The following MMGT1 variants were observed in gnomAD, a reference collection of about 807,000 sequenced individuals.
MMGT1 encodes the protein membrane magnesium transporter 1.
MMGT1 carries 2 observed loss-of-function variants against 11.7 expected under a neutral mutation model. That is an observed-to-expected ratio of 0.17 (90% CI 0.07 to 0.54). The LOEUF (loss-of-function observed/expected upper bound fraction) is 0.54. Among genes scored for constraint, MMGT1 ranks in the 20% least tolerant of loss-of-function variants. The pLI is 0.94. For synonymous variants in MMGT1, 49 were observed against 44.4 expected, an observed-to-expected ratio of 1.10 and a Z score of -0.41; for missense variants, 74 against 109.0, an observed-to-expected ratio of 0.68 and a Z score of 1.43.
intron 2 of MMGT1, among the ~76,000 whole-genome samples, chrX:135,969,180 C>CA (rs782161471): frequency 5.9e-5 from 6 of 102,118 alleles, no homozygotes; most frequent in African/African-American, 1.1e-4. Flanking sequence ...GTATCTACCA[C>CA]AAAAAAAAGG....
chrX:135,966,574 G>A (rs1375615547), intron 3 of MMGT1, among the ~76,000 whole-genome samples: 1 of 111,636 alleles, frequency 9.0e-6, no homozygotes, highest in African/African-American at 3.3e-5. Context: ...CAGCCTGGTT[G>A]ATAGAGACTC....
chrX:135,965,953 C>T (rs1482678550), intron 3 of MMGT1, among the ~76,000 whole-genome samples: 2 of 111,909 alleles, frequency 1.8e-5, no homozygotes, highest in Non-Finnish European at 3.8e-5. Flanking sequence ...CCTTTTGGCC[C>T]TCTGTACCTG....
chrX:135,966,247 A>G (rs2089184525), intron 3 of MMGT1, among the ~76,000 whole-genome samples: 1 of 112,123 alleles, frequency 8.9e-6, no homozygotes, highest in African/African-American at 3.2e-5. Flanking sequence ...GCCCACCTAA[A>G]CATCCAAGCA....
chrX:135,965,078 T>C lies in MMGT1; in HGVS notation c.342A>G (p.Ala114=). The C allele has an allele frequency of 5.0e-6, 6 of 1,209,802 alleles. No individual in the cohort carries two copies. Among genetic ancestry groups the C allele is most frequent in the Non-Finnish European group, 5.6e-6 (5 of 893,792 alleles). The change falls in exon 4 of 4, where the codon GCA becomes GCG. Residue 114 remains alanine (A), a synonymous_variant. Transcript: ENST00000305963. ...ACTTCAATGATGTGTTAGAGGACAA[T>C]GCATCTTGGTTTGAAGAATTTGCTG... is the stretch of plus-strand genomic sequence containing the variant. The part of the protein sequence containing the change: ...SDTANSSNQD[A]LSSNTSLKLR...
In MMGT1 at chrX:135,972,305, C is replaced by CCAAA. The variant is rs1449048893; in HGVS notation, c.80-1196_80-1195insTTTG. 3.1e-4 allele frequency among the ~76,000 whole-genome samples: 35 copies of CCAAA among 112,639 alleles called. 1 individual carries two copies. Among genetic ancestry groups the CCAAA allele is most frequent in the African/African-American group, 1.0e-3 (31 of 30,989 alleles). ...AGGACAATCCCTATTTAATAACGTA[C>CCAAA]TTTGGACTAAATAATTCAAACTGTT... On this transcript the variant is annotated intron_variant, in intron 1 of 3. Coordinates refer to ENST00000305963, the MANE Select transcript of MMGT1 (RefSeq NM_173470.3).
Position 135,964,534 on chromosome X carries a change from T to C in MMGT1, c.*490A>G, listed in dbSNP as rs1301021495. 1.8e-5 allele frequency: 2 copies of C among 112,464 alleles called. No homozygotes were observed. Among genetic ancestry groups the C allele is most frequent in the African/African-American group, 6.5e-5 (2 of 30,826 alleles). The allele number at this position is 112,464 out of a possible 1,213,427, so 9.3% of individuals were successfully genotyped here. A position where few individuals can be genotyped will look rare whatever the true frequency, so the allele number is the denominator to read the frequency against. ...AGTACTTCTGAAGCAGAGCCACTTTTTAGGGGACACAAGAAAAACTGTTAA... is the reference window on the plus strand; with the variant it reads ...AGTACTTCTGAAGCAGAGCCACTTTCTAGGGGACACAAGAAAAACTGTTAA... On this transcript the variant is annotated 3_prime_UTR_variant, in exon 4 of 4. Coordinates refer to ENST00000305963, the MANE Select transcript of MMGT1 (RefSeq NM_173470.3).
At chrX:135,969,417 G>A (rs1339291116) in intron 2 of MMGT1, among the ~76,000 whole-genome samples, 7 of 104,358 alleles carry the variant, frequency 6.7e-5, no homozygotes, top group Admixed American at 2.0e-4. Flanking sequence ...TCGGCTCACT[G>A]CAACCTTTGC....
At position 135,973,891 on chromosome X, in the gene MMGT1, C is replaced by T. The variant is rs1556612933; in HGVS notation, c.-216G>A. Reference sequence around the variant, plus strand: ...CTACACGGAAAAAGGTCCGCGAGAACCCACGAACCTGCGCTATGGAGGCCT... The same window carrying T: ...CTACACGGAAAAAGGTCCGCGAGAATCCACGAACCTGCGCTATGGAGGCCT... On this transcript the variant is annotated 5_prime_UTR_variant, in exon 1 of 4. Coordinates refer to ENST00000305963, the MANE Select transcript of MMGT1 (RefSeq NM_173470.3). 8.7e-7 allele frequency: 1 copy of T among 1,146,227 alleles called. No homozygotes were observed. The highest frequency in any genetic ancestry group is 1.2e-6 in the Non-Finnish European group (1 of 864,660). The allele number at this position is 1,146,227 out of a possible 1,213,427, so 94.5% of individuals were successfully genotyped here.
chrX:135,971,143 G>A (rs782072167), intron 1 of MMGT1, 33 bp from the exon 2 acceptor site: 1 of 1,032,290 alleles, frequency 9.7e-7, no homozygotes, highest in South Asian at 2.0e-5. Context: ...TAAGGAAACT[G>A]TAGTTCATTT....
At chrX:135,965,409 T>TA in intron 3 of MMGT1, among the ~76,000 whole-genome samples, 1 of 111,014 alleles carries the variant, frequency 9.0e-6, no homozygotes, top group Non-Finnish European at 1.9e-5. Flanking sequence ...TTCTTCTTTT[T>TA]AAAAAAAATA....
At chrX:135,970,486 A>G (rs2089211676) in intron 2 of MMGT1, among the ~76,000 whole-genome samples, 1 of 112,748 alleles carries the variant, frequency 8.9e-6, no homozygotes, top group African/African-American at 3.2e-5. Context: ...AAATAAAGCT[A>G]AATAATCAAC....
intron 2 of MMGT1, among the ~76,000 whole-genome samples, chrX:135,969,479 A>AC (rs2089205848): frequency 1.8e-5 from 2 of 110,719 alleles, no homozygotes; most frequent in African/African-American, 6.6e-5. Flanking sequence ...ATCTGGGATT[A>AC]AGGCGCCCAC....
intron 3 of MMGT1, among the ~76,000 whole-genome samples, chrX:135,965,895 G>A (rs1415955920): frequency 1.8e-5 from 2 of 112,011 alleles, no homozygotes; most frequent in Non-Finnish European, 3.8e-5. Context: ...CCATATGATC[G>A]TTTCACAGAT....
chrX:135,973,634 G>A lies in MMGT1; in HGVS notation c.42C>T (p.Leu14=), dbSNP rs781965313. ...AAAAGGCGGCGTGGGCTAGGGCAAAGAGACCGATGCCCACCAGCCCCTTCC... is the reference window on the plus strand; with the variant it reads ...AAAAGGCGGCGTGGGCTAGGGCAAAAAGACCGATGCCCACCAGCCCCTTCC... ...SLWKGLVGIG[L]FALAHAAFSA... Residue 14 remains leucine, a synonymous_variant, in exon 1 of 4, where the codon CTC becomes CTT. Transcript: ENST00000305963. The A allele has an allele frequency of 2.4e-5, 28 of 1,165,964 alleles. No individual in the cohort carries two copies. In the South Asian group the frequency reaches 4.9e-4, roughly 21 times the overall value.
intron 2 of MMGT1, among the ~76,000 whole-genome samples, chrX:135,969,041 T>C (rs1011651770): frequency 1.8e-5 from 2 of 111,018 alleles, no homozygotes; most frequent in Admixed American, 9.6e-5. Context: ...TCCAAAGAGG[T>C]TGAGCGAGCA....
At chrX:135,969,571 C>T (rs1350827744) in intron 2 of MMGT1, among the ~76,000 whole-genome samples, 1 of 111,425 alleles carries the variant, frequency 9.0e-6, no homozygotes, top group Non-Finnish European at 1.9e-5. Context: ...ATCTCCTGAC[C>T]TCATGATCTG....
chrX:135,970,853 G>A (rs1415803237), intron 2 of MMGT1, among the ~76,000 whole-genome samples: 1 of 112,035 alleles, frequency 8.9e-6, no homozygotes, highest in Non-Finnish European at 1.9e-5. Flanking sequence ...AGCTTGCAGT[G>A]AGCTGAGATC....
At chrX:135,968,252 T>C (rs1398646489) in intron 2 of MMGT1, among the ~76,000 whole-genome samples, 1 of 111,607 alleles carries the variant, frequency 9.0e-6, no homozygotes, top group Non-Finnish European at 1.9e-5. Flanking sequence ...AAATAGATCA[T>C]TCCTAGTACC....
Position 135,973,865 on chromosome X carries a change from G to A in MMGT1, c.-190C>T. ...CAGGAATGCCGGGAAGAAGCAGAAA[G>A]CTACACGGAAAAAGGTCCGCGAGAA... On this transcript the variant is annotated 5_prime_UTR_variant, in exon 1 of 4. Transcript: ENST00000305963. 1 of 1,159,068 alleles carries A rather than the reference G, an allele frequency of 8.6e-7. No homozygotes were observed. Among genetic ancestry groups the A allele is most frequent in the South Asian group, 1.9e-5 (1 of 51,763 alleles).
Sources: allele counts gnomAD v4.1 joint callset (sites outside exome capture counted in the v4.1 genomes callset), GRCh38; gene constraint gnomAD v4.1.1; transcripts MANE v1.5; gene names NCBI Gene and HGNC (gene_info 2026-07-23, HGNC 2026-07-21).